EEA1: variants seen among roughly 807,000 people sequenced by gnomAD.
The protein encoded by EEA1 is early endosome antigen 1, 162kD.
EEA1 carries 111 observed loss-of-function variants against 209.2 expected under a neutral mutation model. The observed-to-expected ratio is 0.53, with a 90% confidence interval of 0.45 to 0.62. The LOEUF is 0.62. Ranked by LOEUF, EEA1 falls within the 20% of genes least tolerant of loss-of-function variation. The pLI is 0.00. For missense variants in EEA1, 1,343 were observed against 1,530.8 expected, an observed-to-expected ratio of 0.88 and a Z score of 2.05; for synonymous variants, 536 against 540.6, an observed-to-expected ratio of 0.99 and a Z score of 0.12.
chr12:92,843,017 G>A (rs1303853663), intron 9 of EEA1, among the ~76,000 whole-genome samples: 1 of 152,124 alleles, frequency 6.6e-6, no homozygotes, highest in African/African-American at 2.4e-5. Flanking sequence ...CTTGATATTA[G>A]TGAATCATCT....
intron 1 of EEA1, among the ~76,000 whole-genome samples, chr12:92,913,064 TGG>T (rs1428548307): frequency 9.8e-5 from 15 of 152,366 alleles, no homozygotes; most frequent in African/African-American, 3.6e-4. Flanking sequence ...TACCCAGTAC[TGG>T]GACTGCTGGA....
At chr12:92,828,083 T>G in intron 11 of EEA1, 22 bp from the exon 12 acceptor site, 1 of 1,537,974 alleles carries the variant, frequency 6.5e-7, no homozygotes, top group Non-Finnish European at 8.7e-7. Context: ...GAAAAAAAAA[T>G]GTATGTACAT....
chr12:92,817,141 T>C (rs1484948329), intron 14 of EEA1, among the ~76,000 whole-genome samples: 2 of 151,234 alleles, frequency 1.3e-5, no homozygotes, highest in Non-Finnish European at 2.9e-5. Flanking sequence ...TTAATTGTAC[T>C]TATGCTAGCT....
At chr12:92,804,337 C>T (rs1016982607) in intron 18 of EEA1, among the ~76,000 whole-genome samples, 6 of 152,068 alleles carry the variant, frequency 3.9e-5, no homozygotes, top group Non-Finnish European at 8.8e-5. Flanking sequence ...CTGTGGGAGG[C>T]CAAGGTGGGC....
chr12:92,881,250 A>G (rs1459608008), intron 2 of EEA1, among the ~76,000 whole-genome samples: 3 of 152,284 alleles, frequency 2.0e-5, no homozygotes, highest in Non-Finnish European at 2.9e-5. Context: ...TGAAAAAAAA[A>G]GAACAAAAAT....
intron 2 of EEA1, among the ~76,000 whole-genome samples, chr12:92,886,617 AAGAG>A (rs1879414376): frequency 1.2e-5 from 1 of 84,030 alleles, no homozygotes; most frequent in African/African-American, 4.9e-5. Context: ...AGGAAAGGGA[AAGAG>A]AGAGGAGGGG....
In EEA1 at chr12:92,801,612, T is replaced by G. The variant is rs566813662; in HGVS notation, c.2760A>C (p.Glu920Asp). ...AAAAAAATCTTACCTCCTTCTCTTTTTCAAGTGACTTTTTCAGTTCCTTCT... is the reference window on the plus strand; with the variant it reads ...AAAAAAATCTTACCTCCTTCTCTTTGTCAAGTGACTTTTTCAGTTCCTTCT... ...KEQKELKKSL[E>D]KEKEASHQLK... Residue 920 changes from glutamate to aspartate, a missense_variant, in exon 20 of 29, where the codon GAA becomes GAC. Physicochemically the swap from Glu to Asp is conservative, Grantham distance 45. This residue lies in a region of EEA1 where 1,307 missense variants were observed against 1,465.5 expected (regional missense o/e 0.89). Transcript: ENST00000322349. 1.9e-5 allele frequency: 30 copies of G among 1,590,428 alleles called. 1 individual carries two copies. Among genetic ancestry groups the G allele is most frequent in the Non-Finnish European group, 2.4e-5 (28 of 1,171,966 alleles).
At chr12:92,802,032 G>A (rs931966472) in intron 19 of EEA1, among the ~76,000 whole-genome samples, 2 of 151,820 alleles carry the variant, frequency 1.3e-5, no homozygotes, top group Non-Finnish European at 1.5e-5. Flanking sequence ...TTATAGCAAT[G>A]GGCTTCAAGA....
rs766872215 is a variant in EEA1, at chr12:92,779,290, T to C, written c.3479A>G (p.Asn1160Ser). 2.5e-6 allele frequency: 4 copies of C among 1,592,856 alleles called. No individual in the cohort carries two copies. The highest frequency in any genetic ancestry group is 2.3e-5 in the South Asian group (2 of 85,782). Reference sequence around the variant, plus strand: ...TAGAAGCTGTTTAGCATCTTTAAGATTTGTTATCTCCTGTTGAAAAAGTAG... The same window carrying C: ...TAGAAGCTGTTTAGCATCTTTAAGACTTGTTATCTCCTGTTGAAAAAGTAG... ...HKLESIKEITNLKDAKQLLIQ... is the reference protein window; with the variant it reads ...HKLESIKEITSLKDAKQLLIQ... Residue 1160 changes from asparagine (N) to serine (S), a missense_variant, in exon 25 of 29, where the codon AAT (asparagine) becomes AGT (serine). Coordinates refer to ENST00000322349, the MANE Select transcript of EEA1 (RefSeq NM_003566.4).
At position 92,777,572 on chromosome 12, in the gene EEA1, C is replaced by G; in HGVS notation, c.3985G>C (p.Glu1329Gln). The change falls in exon 27 of 29, where the codon GAG becomes CAG. Residue 1329 changes from glutamate (E) to glutamine (Q), a missense_variant. Glu to Gln is a conservative substitution (Grantham distance 29). Coordinates refer to ENST00000322349, the MANE Select transcript of EEA1 (RefSeq NM_003566.4). ...KLDNTTAAVQ[E>Q]LGRENQSLQI... ...AGTGATTGGTTTTCTCTGCCCAGCT[C>G]CTGCACTGCTGCAGTTGTATTATCC... The G allele has an allele frequency of 6.2e-7, 1 of 1,612,094 alleles. No homozygotes were observed. The highest frequency in any genetic ancestry group is 8.5e-7 in the Non-Finnish European group (1 of 1,178,658).
chr12:92,859,993 T>C (rs1878067352), intron 3 of EEA1, among the ~76,000 whole-genome samples: 1 of 152,340 alleles, frequency 6.6e-6, no homozygotes, highest in East Asian at 1.9e-4. Flanking sequence ...GCAGTTACCA[T>C]TAAACCATCT....
rs1184445622 is a variant in EEA1 at position 92,845,481 on chromosome 12, T to C, written c.799-2900A>G. On this transcript the variant is annotated intron_variant, in intron 9 of 28. Transcript: ENST00000322349. ...GAAGTTCAAAGATCTCTATTCATAC[T>C]GACCTTCTTCTCTAATAGGCCAAGA... Among the ~76,000 whole-genome samples, 3 of 152,254 alleles carry C rather than the reference T, an allele frequency of 2.0e-5. No individual in the cohort carries two copies. The East Asian group carries it at 5.8e-4, about 29-fold the overall frequency.
At chr12:92,778,703 C>T (rs1391597497) in intron 25 of EEA1, among the ~76,000 whole-genome samples, 1 of 152,032 alleles carries the variant, frequency 6.6e-6, no homozygotes, top group African/African-American at 2.4e-5. Context: ...GCATGTGCAA[C>T]TTAGGAAAGG....
At chr12:92,884,608 T>C (rs1879302317) in intron 2 of EEA1, 1 of 1,412,824 alleles carries the variant, frequency 7.1e-7, no homozygotes, top group South Asian at 1.1e-5. Context: ...CTGGCCCCTA[T>C]GGTGGTGGAG....
At chr12:92,906,485 A>T (rs1249673186) in intron 1 of EEA1, among the ~76,000 whole-genome samples, 1 of 152,176 alleles carries the variant, frequency 6.6e-6, no homozygotes, top group Non-Finnish European at 1.5e-5. Flanking sequence ...AACCTTGGGG[A>T]TTTATAAGCT....
rs368768677 is a variant in EEA1, at chr12:92,776,221, T to C, written c.4114-88A>G. 3.1e-6 allele frequency: 4 copies of C among 1,270,988 alleles called. No individual in the cohort carries two copies. In the African/African-American group the frequency reaches 6.0e-5, roughly 19 times the overall value. The allele number at this position is 1,270,988 out of a possible 1,614,324, so 78.7% of individuals were successfully genotyped here. On this transcript the variant is annotated intron_variant, in intron 28 of 28. Transcript: ENST00000322349. ...TACATGAATACCACCAACTACATTA[T>C]GAAGGTACATTAGCTTTCAAGTCAT...
intron 2 of EEA1, among the ~76,000 whole-genome samples, chr12:92,886,038 C>G (rs1879366675): frequency 6.6e-6 from 1 of 151,974 alleles, no homozygotes; most frequent in African/African-American, 2.4e-5. Context: ...GAACTGGCAA[C>G]AGAGTCAAAC....
intron 2 of EEA1, among the ~76,000 whole-genome samples, chr12:92,873,495 T>C (rs978350228): frequency 2.0e-5 from 3 of 152,168 alleles, no homozygotes; most frequent in Non-Finnish European, 2.9e-5. Flanking sequence ...GGTACTGCCA[T>C]GGAATTAAGT....
rs1565805742 is a variant in EEA1, at chr12:92,782,019, C to T, written c.3267G>A (p.Gln1089=). The T allele has an allele frequency of 6.2e-7, 1 of 1,613,230 alleles. No individual in the cohort carries two copies. Among genetic ancestry groups the T allele is most frequent in the Non-Finnish European group, 8.5e-7 (1 of 1,179,442 alleles). ...ELKTAKATLE[Q]DSAKKEQQLQ... ...ATTGCTGTTCTTTCTTTGCTGAATCCTGCTCCAATGTAGCCTTGGCAGTCT... is the reference window on the plus strand; with the variant it reads ...ATTGCTGTTCTTTCTTTGCTGAATCTTGCTCCAATGTAGCCTTGGCAGTCT... Residue 1089 remains glutamine (Q), a synonymous_variant, in exon 23 of 29, where the codon CAG becomes CAA. Coordinates refer to ENST00000322349, the MANE Select transcript of EEA1 (RefSeq NM_003566.4).
Sources: allele counts gnomAD v4.1 joint callset (sites outside exome capture counted in the v4.1 genomes callset), GRCh38; gene constraint gnomAD v4.1.1; regional missense constraint gnomAD v4.1.1; transcripts MANE v1.5; gene names NCBI Gene and HGNC (gene_info 2026-07-23, HGNC 2026-07-21).